BEGAIN: variants seen among roughly 807,000 people sequenced by gnomAD.
BEGAIN encodes brain enriched guanylate kinase associated, also known as brain-enriched guanylate kinase-associated protein.
BEGAIN carries 19 observed loss-of-function variants against 35.8 expected under a neutral mutation model. The ratio of observed to expected loss-of-function variants is 0.53; its 90% CI spans 0.37 to 0.78. The LOEUF (loss-of-function observed/expected upper bound fraction) is 0.78, where lower values mean the gene tolerates loss of function less well. BEGAIN is among the 30% of genes least tolerant of loss of function. The pLI is 0.00. For missense variants in BEGAIN, 795 were observed against 853.6 expected, an observed-to-expected ratio of 0.93 and a Z score of 0.85; for synonymous variants, 462 against 388.6, an observed-to-expected ratio of 1.19 and a Z score of -2.22.
rs960660459 is a variant in BEGAIN, at chr14:100,577,771, C to G, written c.42+9478G>C. 25 of 399,178 alleles carry G rather than the reference C, an allele frequency of 6.3e-5. 1 individual carries two copies. The highest frequency in any genetic ancestry group is 4.5e-4 in the African/African-American group (22 of 48,750). 24.7% of individuals were successfully genotyped at this position (399,178 alleles called of 1,614,324 possible). ...GCTGGACCGAGCTGCCCAGCGGTGG[C>G]AAGATGCTTTGCCCTTGGGGTTCCG... On this transcript the variant is annotated intron_variant, in intron 1 of 6. Coordinates refer to ENST00000554140, the MANE Select transcript of BEGAIN (RefSeq NM_001385089.1).
chr14:100,568,043 G>A lies in BEGAIN; in HGVS notation c.43-104C>T. The A allele has an allele frequency of 1.7e-6, 2 of 1,146,954 alleles. No individual in the cohort carries two copies. The highest frequency in any genetic ancestry group is 1.1e-6 in the Non-Finnish European group (1 of 931,064). The allele number at this position is 1,146,954 out of a possible 1,614,324, so 71.0% of individuals were successfully genotyped here. On this transcript the variant is annotated intron_variant, in intron 1 of 6. Transcript: ENST00000554140. The surrounding 1 kb of genome is among the most constrained non-coding windows in gnomAD (Gnocchi z 7.5). ...GGGCACGGCCGGGCAACCCCGCGGG[G>A]CCCCGTCCGTGGGAAGCCCGGCGCC... is the stretch of plus-strand genomic sequence containing the variant.
Position 100,544,974 on chromosome 14 carries a change from G to A in BEGAIN, c.300+26C>T, listed in dbSNP as rs1017707223. 5 of 1,607,132 alleles carry A rather than the reference G, an allele frequency of 3.1e-6. No individual in the cohort carries two copies. The African/African-American group carries it at 5.3e-5, about 17-fold the overall frequency. On this transcript the variant is annotated intron_variant, in intron 4 of 6. Transcript: ENST00000554140. ...CCCGGGAAGGAGGTGTGGGGTGGGG[G>A]AGTGGGCGCTGCGTGGCGGCCTCAC...
At chr14:100,578,856 C>T (rs1405571008) in intron 1 of BEGAIN, among the ~76,000 whole-genome samples, 1 of 126,990 alleles carries the variant, frequency 7.9e-6, no homozygotes, top group East Asian at 2.4e-4. Flanking sequence ...GCCTCTGGTA[C>T]TTTTTTTTTT....
chr14:100,580,461 C>T (rs775476966), intron 1 of BEGAIN, among the ~76,000 whole-genome samples: 8 of 152,136 alleles, frequency 5.3e-5, no homozygotes, highest in Admixed American at 1.3e-4. Context: ...TGCCAAGGAA[C>T]GTCTCTCAGG....
chr14:100,557,433 C>T (rs576311028), intron 2 of BEGAIN, among the ~76,000 whole-genome samples: 2 of 152,334 alleles, frequency 1.3e-5, no homozygotes, highest in South Asian at 2.1e-4. Context: ...CTGTGATGCC[C>T]GATGTGCTCC....
At chr14:100,566,267 A>G (rs936691670) in intron 2 of BEGAIN, among the ~76,000 whole-genome samples, 3 of 152,228 alleles carry the variant, frequency 2.0e-5, no homozygotes, top group African/African-American at 7.2e-5. Flanking sequence ...CGCTGACGCC[A>G]TCAGCAGCTC....
intron 1 of BEGAIN, among the ~76,000 whole-genome samples, chr14:100,584,886 G>A (rs2035399892): frequency 6.6e-6 from 1 of 151,984 alleles, no homozygotes; most frequent in African/African-American, 2.4e-5. Flanking sequence ...AGACCAACAC[G>A]GCGAGTCCTA....
intron 2 of BEGAIN, among the ~76,000 whole-genome samples, chr14:100,560,088 A>G (rs1355211988): frequency 6.6e-6 from 1 of 152,142 alleles, no homozygotes; most frequent in African/African-American, 2.4e-5. Flanking sequence ...TGTGGGCAGG[A>G]GAGGGTGGGT....
rs990979392 is a variant in BEGAIN, at chr14:100,573,048, G to T, written c.43-5109C>A. ...CCCTGTATGTCCGACGGGGATATGT[G>T]TACAGAGAAGGATGGGAGGCAGGGT... On this transcript the variant is annotated intron_variant, in intron 1 of 6. Coordinates refer to ENST00000554140, the MANE Select transcript of BEGAIN (RefSeq NM_001385089.1). This position sits in a 1 kb window ranked among gnomAD's most constrained non-coding sequence, Gnocchi z 4.2. 6.6e-6 allele frequency among the ~76,000 whole-genome samples: 1 copy of T among 151,944 alleles called. No homozygotes were observed. The highest frequency in any genetic ancestry group is 1.5e-5 in the Non-Finnish European group (1 of 67,992).
At chr14:100,554,118 A>C (rs1400323208) in intron 2 of BEGAIN, among the ~76,000 whole-genome samples, 2 of 152,306 alleles carry the variant, frequency 1.3e-5, no homozygotes, top group Non-Finnish European at 2.9e-5. Context: ...CATGAGCTCC[A>C]GGGCCCCTGG....
At chr14:100,575,347 G>C (rs1460721420) in intron 1 of BEGAIN, among the ~76,000 whole-genome samples, 7 of 152,206 alleles carry the variant, frequency 4.6e-5, no homozygotes, top group Non-Finnish European at 8.8e-5. Flanking sequence ...TGAAGGGCTG[G>C]CATCGCTATC....
chr14:100,570,840 G>A (rs868056079), intron 1 of BEGAIN, among the ~76,000 whole-genome samples: 4 of 152,180 alleles, frequency 2.6e-5, no homozygotes, highest in South Asian at 4.1e-4. Context: ...CCCTTACTAC[G>A]GGTGAGGAAA....
intron 2 of BEGAIN, chr14:100,550,346 C>A: frequency 2.5e-6 from 1 of 398,702 alleles, no homozygotes; most frequent in Non-Finnish European, 4.4e-6. Flanking sequence ...GGGAGTTGGA[C>A]ACAGACACGG....
chr14:100,562,256 T>A (rs2034323522), intron 2 of BEGAIN, among the ~76,000 whole-genome samples: 2 of 151,964 alleles, frequency 1.3e-5, no homozygotes, highest in Admixed American at 1.3e-4. Context: ...GCCAGCCCCA[T>A]CCCCAGGACA....
At position 100,539,284 on chromosome 14, in the gene BEGAIN, A is replaced by C. The variant is rs769839229; in HGVS notation, c.524T>G (p.Leu175Arg). The C allele has an allele frequency of 1.9e-6, 3 of 1,573,380 alleles. No homozygotes were observed. The highest frequency in any genetic ancestry group is 1.7e-6 in the Non-Finnish European group (2 of 1,161,006). Reference sequence around the variant, plus strand: ...GCTGCAGCCGTGCTTCTCCATGTGCAGGCTCACGCGCTCCTGGAAATCCGA... The same window carrying C: ...GCTGCAGCCGTGCTTCTCCATGTGCCGGCTCACGCGCTCCTGGAAATCCGA... ...LPSDFQERVS[L>R]HMEKHGCSLP... Residue 175 changes from leucine (L) to arginine (R), a missense_variant, in exon 7 of 7, where the codon CTG (leucine) becomes CGG (arginine). Transcript: ENST00000554140.
intron 1 of BEGAIN, among the ~76,000 whole-genome samples, chr14:100,581,825 G>C (rs1177026797): frequency 6.6e-6 from 1 of 152,260 alleles, no homozygotes; most frequent in Non-Finnish European, 1.5e-5. Flanking sequence ...GAAGGGGCAT[G>C]AGGCTGCCCA....
At chr14:100,583,692 C>CTTTTTTTTTTTTT (rs56090356) in intron 1 of BEGAIN, among the ~76,000 whole-genome samples, 1,853 of 108,840 alleles carry the variant, frequency 0.017, 13 homozygotes, top group Non-Finnish European at 0.025. Context: ...GTTTTTCTTC[C>CTTTTTTTTTTTTT]TTTTTTTTTT....
intron 1 of BEGAIN, among the ~76,000 whole-genome samples, chr14:100,569,945 C>A (rs1021159176): frequency 6.6e-6 from 1 of 152,176 alleles, no homozygotes; most frequent in African/African-American, 2.4e-5. Flanking sequence ...CATCATAGCG[C>A]TTCCCACGGC....
intron 3 of BEGAIN, chr14:100,545,455 AAACTT>A (rs1394157533): frequency 4.8e-6 from 5 of 1,038,118 alleles, no homozygotes; most frequent in East Asian, 9.0e-5. Context: ...AGCAGGGAAG[AAACTT>A]AACACTAACT....
Sources: allele counts gnomAD v4.1 joint callset (sites outside exome capture counted in the v4.1 genomes callset), GRCh38; gene constraint gnomAD v4.1.1; non-coding constraint Gnocchi (gnomAD v3.1); transcripts MANE v1.5; gene names NCBI Gene and HGNC (gene_info 2026-07-23, HGNC 2026-07-21).